The following SLC25A24 variants were observed in gnomAD, a reference collection of about 807,000 sequenced individuals.
The protein encoded by SLC25A24 is mitochondrial adenyl nucleotide antiporter SLC25A24.
In SLC25A24, 49 loss-of-function variants were observed where a neutral mutation model predicts 60.7. The observed-to-expected ratio is 0.81, with a 90% confidence interval of 0.64 to 1.02. The LOEUF is 1.02. SLC25A24 is among the 50% of genes least tolerant of loss of function. SLC25A24 has a pLI of 0.00. For missense variants in SLC25A24, 564 were observed against 586.3 expected, an observed-to-expected ratio of 0.96 and a Z score of 0.39; for synonymous variants, 202 against 200.6, an observed-to-expected ratio of 1.01 and a Z score of -0.06.
intron 4 of SLC25A24, among the ~76,000 whole-genome samples, chr1:108,158,535 A>T (rs980990297): frequency 6.6e-6 from 1 of 152,208 alleles, no homozygotes; most frequent in African/African-American, 2.4e-5. Flanking sequence ...CTGAACTACT[A>T]GTATAATATT....
rs12736053 is a variant in SLC25A24, at chr1:108,168,637, T to C, written c.399-7344A>G. Among the ~76,000 whole-genome samples the C allele has an allele frequency of 9.0e-3, 1,371 of 152,354 alleles. 15 individuals are homozygous for C. The highest frequency in any genetic ancestry group is 0.015 in the Non-Finnish European group (1,034 of 68,034). On this transcript the variant is annotated intron_variant, in intron 3 of 9. Coordinates refer to ENST00000565488, the MANE Select transcript of SLC25A24 (RefSeq NM_013386.5). The stretch of plus-strand genomic sequence containing the variant: ...ATCTCTTACCATGTTCATTTGCTAC[T>C]GCTGTTTCTTTCACGTGAAATATGC...
intron 3 of SLC25A24, among the ~76,000 whole-genome samples, chr1:108,171,648 G>A (rs1647466043): frequency 6.6e-6 from 1 of 152,142 alleles, no homozygotes; most frequent in African/African-American, 2.4e-5. Context: ...CAACGTGGTG[G>A]ACATAGAACT....
In SLC25A24 at chr1:108,139,280, C is replaced by T. The variant is rs1679378986; in HGVS notation, c.1099-72G>A. On this transcript the variant is annotated intron_variant, in intron 8 of 9. Coordinates refer to ENST00000565488, the MANE Select transcript of SLC25A24 (RefSeq NM_013386.5). ...CAACGTAAACATTTTCACAGCTATT[C>T]TCAACCTCATGAGAAGCCCCGTTTC... 3 of 1,443,086 alleles carry T rather than the reference C, an allele frequency of 2.1e-6. No individual in the cohort carries two copies. The Admixed American group carries it at 6.6e-5, about 32-fold the overall frequency. 89.4% of individuals were successfully genotyped at this position (1,443,086 alleles called of 1,614,324 possible).
At chr1:108,179,367 A>T (rs1221428196) in intron 3 of SLC25A24, among the ~76,000 whole-genome samples, 1 of 152,146 alleles carries the variant, frequency 6.6e-6, no homozygotes, top group Non-Finnish European at 1.5e-5. Flanking sequence ...CTACCATATG[A>T]TCCTGCAATC....
intron 6 of SLC25A24, among the ~76,000 whole-genome samples, chr1:108,153,263 T>C (rs1571284708): frequency 1.3e-5 from 2 of 152,314 alleles, no homozygotes; most frequent in South Asian, 2.1e-4. Context: ...GATGATGTGT[T>C]TGACAGAGCT....
rs750817819 is a variant in SLC25A24, at chr1:108,139,197, G to C, written c.1110C>G (p.Ser370=). 2 of 1,594,408 alleles carry C rather than the reference G, an allele frequency of 1.3e-6. No individual in the cohort carries two copies. The highest frequency in any genetic ancestry group is 1.7e-6 in the Non-Finnish European group (2 of 1,172,878). Residue 370 remains serine (S), a synonymous_variant, in exon 9 of 10, where the codon TCC becomes TCG. Coordinates refer to ENST00000565488, the MANE Select transcript of SLC25A24 (RefSeq NM_013386.5). ...IDLAVYELLK[S]YWLDNFAKDS... is the part of the protein sequence containing the mutation. The stretch of plus-strand genomic sequence containing the variant: ...CTTTTGCAAAATTATCCAGCCAATA[G>C]GACTTCAAGAGCTGCCAGAGAAATA...
At chr1:108,139,020 G>A (rs753983882) in intron 9 of SLC25A24, 38 bp downstream of exon 9, 37 of 1,501,862 alleles carry the variant, frequency 2.5e-5, no homozygotes, top group Non-Finnish European at 3.0e-5. Flanking sequence ...TACTGGTGCA[G>A]CACTTTTATC....
intron 7 of SLC25A24, among the ~76,000 whole-genome samples, chr1:108,147,047 GT>G (rs941457084): frequency 2.0e-5 from 3 of 151,774 alleles, no homozygotes; most frequent in Non-Finnish European, 2.9e-5. Context: ...CTGGTCCTGG[GT>G]TTTTTTTGGT....
intron 3 of SLC25A24, among the ~76,000 whole-genome samples, chr1:108,163,273 T>C (rs1193678168): frequency 9.3e-6 from 1 of 107,448 alleles, no homozygotes; most frequent in Non-Finnish European, 1.9e-5. Flanking sequence ...GACTTGGCAA[T>C]GCGGGCTCTT....
intron 4 of SLC25A24, among the ~76,000 whole-genome samples, chr1:108,159,072 T>C (rs1248465771): frequency 6.6e-6 from 1 of 151,644 alleles, no homozygotes; most frequent in African/African-American, 2.4e-5. Flanking sequence ...TTCCTAAGGG[T>C]TTCAGGAGCA....
chr1:108,187,417 TAATAA>T (rs1648171312), intron 1 of SLC25A24, among the ~76,000 whole-genome samples: 1 of 152,132 alleles, frequency 6.6e-6, no homozygotes, highest in Non-Finnish European at 1.5e-5. Flanking sequence ...TTGAAAAGAC[TAATAA>T]AATTGATAAA....
intron 1 of SLC25A24, chr1:108,198,812 G>A (rs1648575888): frequency 6.6e-6 from 1 of 152,236 alleles, no homozygotes; most frequent in South Asian, 2.1e-4. Flanking sequence ...ATCTGCTGAT[G>A]CACTGCAGCA....
At chr1:108,137,074 T>C (rs925233467) in intron 9 of SLC25A24, among the ~76,000 whole-genome samples, 1 of 152,162 alleles carries the variant, frequency 6.6e-6, no homozygotes, top group Admixed American at 6.5e-5. Flanking sequence ...TTCTAAATAC[T>C]GGGTTAATTA....
chr1:108,187,922 T>TATATATATATA (rs879879970), intron 1 of SLC25A24, among the ~76,000 whole-genome samples: 10 of 51,044 alleles, frequency 2.0e-4, no homozygotes, highest in Non-Finnish European at 2.7e-4. Context: ...GGATAAGACA[T>TATATATATATA]TATAGATATA....
intron 3 of SLC25A24, among the ~76,000 whole-genome samples, chr1:108,161,931 A>C (rs946702069): frequency 6.8e-6 from 1 of 147,260 alleles, no homozygotes; most frequent in Non-Finnish European, 1.5e-5. Context: ...ATATCTCCCA[A>C]TGCCATCCCT....
At chr1:108,195,170 T>G (rs1408138168) in intron 1 of SLC25A24, among the ~76,000 whole-genome samples, 2 of 143,480 alleles carry the variant, frequency 1.4e-5, no homozygotes, top group Non-Finnish European at 3.1e-5. Context: ...AATGTTGTCT[T>G]GTGGAAGCTT....
At chr1:108,196,429 T>G (rs1157805142) in intron 1 of SLC25A24, among the ~76,000 whole-genome samples, 1 of 152,204 alleles carries the variant, frequency 6.6e-6, no homozygotes, top group Non-Finnish European at 1.5e-5. Flanking sequence ...GCAAGATATC[T>G]GCATTTTAAG....
chr1:108,187,867 T>C (rs1367412534), intron 1 of SLC25A24, among the ~76,000 whole-genome samples: 1 of 134,916 alleles, frequency 7.4e-6, no homozygotes, highest in South Asian at 2.3e-4. Flanking sequence ...GATGCAAAAC[T>C]CCTGTATAAA....
chr1:108,156,026 G>A (rs1402696362), intron 5 of SLC25A24, among the ~76,000 whole-genome samples: 2 of 152,036 alleles, frequency 1.3e-5, no homozygotes, highest in African/African-American at 2.4e-5. Flanking sequence ...CATGTGGCCA[G>A]TATGAAAACG....
Sources: gnomAD v4.1 joint callset for allele counts (sites outside exome capture counted in the v4.1 genomes callset) on GRCh38, gnomAD v4.1.1 for gene constraint, MANE v1.5 for transcripts, NCBI Gene and HGNC (gene_info 2026-07-23, HGNC 2026-07-21) for gene names.